The following KAT2B variants were observed in gnomAD, a reference collection of about 807,000 sequenced individuals.
The protein encoded by KAT2B is lysine acetyltransferase 2B.
In KAT2B, 36 loss-of-function variants were observed where a neutral mutation model predicts 105.9. The observed-to-expected ratio is 0.34, with a 90% confidence interval of 0.26 to 0.45. The LOEUF (loss-of-function observed/expected upper bound fraction) is 0.45, where lower values mean the gene tolerates loss of function less well. KAT2B is among the 20% of genes least tolerant of loss of function. The probability of loss-of-function intolerance (pLI) is 1.00; values close to 1 mark genes in which losing one functional copy is unlikely to be tolerated. For missense variants in KAT2B, 820 were observed against 1,021.6 expected (o/e 0.80, Z 2.69); for synonymous variants, 397 against 377.9 (o/e 1.05, Z -0.59).
chr3:20,121,551 A>G (rs1414301138), intron 8 of KAT2B, among the ~76,000 whole-genome samples: 2 of 152,164 alleles, frequency 1.3e-5, no homozygotes, highest in South Asian at 2.1e-4. Context: ...TTGATAGGCT[A>G]GTGGTCCTGC....
At chr3:20,131,977 C>CT (rs1238848568) in intron 11 of KAT2B, among the ~76,000 whole-genome samples, 6 of 152,258 alleles carry the variant, frequency 3.9e-5, no homozygotes, top group Middle Eastern at 3.4e-3. Context: ...CCTGTGAATT[C>CT]TTTAAATTAG....
At chr3:20,054,572 C>G (rs1157980079) in intron 1 of KAT2B, among the ~76,000 whole-genome samples, 1 of 152,170 alleles carries the variant, frequency 6.6e-6, no homozygotes, top group African/African-American at 2.4e-5. Flanking sequence ...AATTCCATGC[C>G]ATCCTAATCA....
intron 7 of KAT2B, among the ~76,000 whole-genome samples, chr3:20,116,371 T>C (rs753623886): frequency 8.5e-5 from 13 of 152,192 alleles, no homozygotes; most frequent in Non-Finnish European, 1.5e-4. Flanking sequence ...ATCTCTTTTC[T>C]TCCAGACTTT....
rs1262031355 is a variant in KAT2B at position 20,105,913 on chromosome 3, G to C, written c.851+4445G>C. ...TTTAGCCATTCTTCTATGATGTACA[G>C]CCTATTGCCATGTATACTGAGCATT... On this transcript the variant is annotated intron_variant, in intron 5 of 17. Coordinates refer to ENST00000263754, the MANE Select transcript of KAT2B (RefSeq NM_003884.5). Among the ~76,000 whole-genome samples, 3 of 152,090 alleles carry C rather than the reference G, an allele frequency of 2.0e-5. No homozygotes were observed. In the East Asian group the frequency reaches 5.8e-4, roughly 29 times the overall value.
In KAT2B at chr3:20,090,577, G is replaced by A. The variant is rs551817874; in HGVS notation, c.431-4686G>A. 4.7e-4 allele frequency among the ~76,000 whole-genome samples: 71 copies of A among 152,234 alleles called. 2 individuals are homozygous for A. Among genetic ancestry groups the A allele is most frequent in the Admixed American group, 3.3e-3 (50 of 15,276 alleles). ...TGGTGAAGGATTCTTTTAATCTGCT[G>A]TTGAATTCAGATTGCTGGTTTTCTG... On this transcript the variant is annotated intron_variant, in intron 2 of 17. Coordinates refer to ENST00000263754, the MANE Select transcript of KAT2B (RefSeq NM_003884.5).
At position 20,125,931 on chromosome 3, in the gene KAT2B, C is replaced by T. The variant is rs936342669; in HGVS notation, c.1440C>T (p.Ala480=). 14 of 1,613,772 alleles carry T rather than the reference C, an allele frequency of 8.7e-6. No individual in the cohort carries two copies. In the African/African-American group the frequency reaches 1.7e-4, roughly 20 times the overall value. The change falls in exon 10 of 18, where the codon GCC becomes GCT. Residue 480 remains alanine (A), a synonymous_variant. Coordinates refer to ENST00000263754, the MANE Select transcript of KAT2B (RefSeq NM_003884.5). ...PETNFLSAHS[A]RDEAARLEER... Reference sequence around the variant, plus strand: ...CCAATTTTCTGTCAGCACACTCGGCCAGGGATGAGGCGGCAAGGTTGGAAG... The same window carrying T: ...CCAATTTTCTGTCAGCACACTCGGCTAGGGATGAGGCGGCAAGGTTGGAAG...
At chr3:20,112,613 T>C (rs2125166856) in intron 6 of KAT2B, among the ~76,000 whole-genome samples, 1 of 152,334 alleles carries the variant, frequency 6.6e-6, no homozygotes, top group East Asian at 1.9e-4. Flanking sequence ...CATTCTGTGA[T>C]TATCATTCCG....
intron 1 of KAT2B, among the ~76,000 whole-genome samples, chr3:20,044,953 G>A (rs1170433847): frequency 6.6e-6 from 1 of 152,178 alleles, no homozygotes; most frequent in East Asian, 1.9e-4. Context: ...TGACAACTAA[G>A]TAGAGATTTG....
In KAT2B at chr3:20,040,826, A is replaced by C. The variant is rs763539616; in HGVS notation, c.303+46A>C. The C allele has an allele frequency of 2.0e-5, 30 of 1,527,632 alleles. No individual in the cohort carries two copies. In the African/African-American group the frequency reaches 4.1e-4, roughly 21 times the overall value. 94.6% of individuals were successfully genotyped at this position (1,527,632 alleles called of 1,614,324 possible). A position where few individuals can be genotyped will look rare whatever the true frequency, so the allele number is the denominator to read the frequency against. On this transcript the variant is annotated intron_variant, in intron 1 of 17. Transcript: ENST00000263754. ...GACCGCGGATGGGTGCTAGGGGCCC[A>C]GCCCGCGGGACCCCCCTCCCCCTCC... is the stretch of plus-strand genomic sequence containing the variant.
intron 1 of KAT2B, among the ~76,000 whole-genome samples, chr3:20,058,541 T>C (rs937935516): frequency 6.6e-6 from 1 of 151,932 alleles, no homozygotes; most frequent in Admixed American, 6.6e-5. Context: ...TACAATTCTA[T>C]TTCTATCTCA....
chr3:20,117,617 T>C (rs1434926473), intron 7 of KAT2B, among the ~76,000 whole-genome samples: 1 of 152,204 alleles, frequency 6.6e-6, no homozygotes, highest in Non-Finnish European at 1.5e-5. Context: ...GTGCTATGGG[T>C]TGGTATCTCT....
In KAT2B at chr3:20,117,419, A is replaced by G. The variant is rs562173770; in HGVS notation, c.1151-2179A>G. On this transcript the variant is annotated intron_variant, in intron 7 of 17. Transcript: ENST00000263754. ...GATGCAACTGTGATAAATGACATTC[A>G]TAAGGATGAACCTGAAATTTTACAA... Among the ~76,000 whole-genome samples, 15 of 152,352 alleles carry G rather than the reference A, an allele frequency of 9.8e-5. No homozygotes were observed. The South Asian group carries it at 2.1e-3, about 21-fold the overall frequency.
rs752208523 is a variant in KAT2B at position 20,060,053 on chromosome 3, A to G, written c.304-12280A>G. 6.4e-4 allele frequency among the ~76,000 whole-genome samples: 97 copies of G among 152,354 alleles called. 1 individual carries two copies. The highest frequency in any genetic ancestry group is 1.4e-3 in the Admixed American group (21 of 15,300). Reference sequence around the variant, plus strand: ...TTGAGATACATCCATGTTGTAGCATATGTCAGCACTTCTTTATCTTTCATT... The same window carrying G: ...TTGAGATACATCCATGTTGTAGCATGTGTCAGCACTTCTTTATCTTTCATT... On this transcript the variant is annotated intron_variant, in intron 1 of 17. Coordinates refer to ENST00000263754, the MANE Select transcript of KAT2B (RefSeq NM_003884.5).
At chr3:20,059,642 TTGCG>T in intron 1 of KAT2B, among the ~76,000 whole-genome samples, 1 of 151,714 alleles carries the variant, frequency 6.6e-6, no homozygotes, top group South Asian at 2.1e-4. Context: ...GAGGTGGAGC[TTGCG>T]GTGAGCCGAG....
intron 5 of KAT2B, among the ~76,000 whole-genome samples, chr3:20,102,271 G>A (rs1017214732): frequency 2.6e-5 from 4 of 151,954 alleles, no homozygotes; most frequent in Admixed American, 6.6e-5. Context: ...AACTGAGATC[G>A]TGCACTCTGG....
chr3:20,078,747 T>C (rs948018898), intron 2 of KAT2B, among the ~76,000 whole-genome samples: 5 of 152,092 alleles, frequency 3.3e-5, no homozygotes, highest in Admixed American at 3.3e-4. Flanking sequence ...TGACTGTTTT[T>C]TGTCACTATA....
chr3:20,148,858 C>G (rs1699821565), intron 17 of KAT2B: 1 of 174,098 alleles, frequency 5.7e-6, no homozygotes, highest in African/African-American at 2.4e-5. Context: ...TTGCGTCTGT[C>G]GTAAATAGGT....
chr3:20,148,195 A>G (rs1022058695), intron 15 of KAT2B, 48 bp from the exon 16 acceptor site: 1 of 1,510,178 alleles, frequency 6.6e-7, no homozygotes, highest in African/African-American at 1.4e-5. Flanking sequence ...AGCTGGCAAT[A>G]GGGTAAAACT....
chr3:20,054,627 G>A (rs1032968621), intron 1 of KAT2B, among the ~76,000 whole-genome samples: 1 of 152,182 alleles, frequency 6.6e-6, no homozygotes, highest in Non-Finnish European at 1.5e-5. Context: ...CTTTTTGCGA[G>A]GTTTGTGTGG....
Sources: allele counts gnomAD v4.1 joint callset (sites outside exome capture counted in the v4.1 genomes callset), GRCh38; gene constraint gnomAD v4.1.1; transcripts MANE v1.5; gene names NCBI Gene and HGNC (gene_info 2026-07-23, HGNC 2026-07-21).